The following ERC2 variants were observed in gnomAD, a reference collection of about 807,000 sequenced individuals.
ERC2 encodes ELKS/RAB6-interacting/CAST family member 2.
ERC2 carries 42 observed loss-of-function variants against 114.8 expected under a neutral mutation model. That is an observed-to-expected ratio of 0.37 (90% CI 0.29 to 0.47). ERC2 has a LOEUF of 0.47. ERC2 is among the 20% of genes least tolerant of loss of function. The pLI, the probability that ERC2 is intolerant of heterozygous loss-of-function variation, is 0.99. For synonymous variants in ERC2, 454 were observed against 425.5 expected (o/e 1.07, Z -0.82); for missense variants, 939 against 1,150.7 (o/e 0.82, Z 2.66).
intron 17 of ERC2, among the ~76,000 whole-genome samples, chr3:55,639,426 C>T (rs1228147260): frequency 6.6e-6 from 1 of 152,074 alleles, no homozygotes; most frequent in Non-Finnish European, 1.5e-5. Flanking sequence ...GGGACCAGGA[C>T]ATGAGCCACA....
At position 55,569,432 on chromosome 3, in the gene ERC2, G is replaced by A. The variant is rs554887985; in HGVS notation, c.*40-58156C>T. ...CCGAAGGGGCAGGGAAGAGGCATGC[G>A]CTGCTCTGCCAATGGGGAGGAAAAA... On this transcript the variant is annotated intron_variant, in intron 17 of 17. Coordinates refer to ENST00000288221, the MANE Select transcript of ERC2 (RefSeq NM_015576.3). Among the ~76,000 whole-genome samples the A allele has an allele frequency of 6.6e-5, 10 of 152,288 alleles. No homozygotes were observed. In the East Asian group the frequency reaches 1.2e-3, roughly 18 times the overall value.
chr3:55,897,602 C>T (rs572664138), intron 13 of ERC2, among the ~76,000 whole-genome samples: 2 of 152,272 alleles, frequency 1.3e-5, no homozygotes, highest in African/African-American at 4.8e-5. Flanking sequence ...TGGCCCAGCA[C>T]AACTCTGGAC....
At chr3:55,920,903 G>A (rs778478348) in intron 13 of ERC2, among the ~76,000 whole-genome samples, 233 of 152,158 alleles carry the variant, frequency 1.5e-3, no homozygotes, top group Non-Finnish European at 2.3e-3. Flanking sequence ...GAACAGAGGG[G>A]CAGAGTGAGT....
intron 10 of ERC2, among the ~76,000 whole-genome samples, chr3:55,994,700 C>T (rs1219068520): frequency 7.4e-6 from 1 of 134,412 alleles, no homozygotes; most frequent in East Asian, 2.2e-4. Flanking sequence ...ACAGAGACAG[C>T]GTAGTCTGCT....
At chr3:55,806,712 T>A (rs1201786502) in intron 14 of ERC2, among the ~76,000 whole-genome samples, 1 of 152,150 alleles carries the variant, frequency 6.6e-6, no homozygotes, top group Non-Finnish European at 1.5e-5. Context: ...CAGCCCAAAA[T>A]GCCAATAGTG....
At chr3:55,732,972 T>C (rs2065349886) in intron 15 of ERC2, among the ~76,000 whole-genome samples, 1 of 152,174 alleles carries the variant, frequency 6.6e-6, no homozygotes, top group African/African-American at 2.4e-5. Context: ...AAGTGTCTCC[T>C]TAGCAGCTGA....
chr3:56,209,618 G>A (rs534001294), intron 3 of ERC2, among the ~76,000 whole-genome samples: 1 of 152,182 alleles, frequency 6.6e-6, no homozygotes, highest in Non-Finnish European at 1.5e-5. Context: ...CGTTCAAAGG[G>A]ATTCAGAAGG....
At chr3:56,247,345 C>T (rs115781694) in intron 3 of ERC2, among the ~76,000 whole-genome samples, 193 of 152,286 alleles carry the variant, frequency 1.3e-3, no homozygotes, top group African/African-American at 4.6e-3. Context: ...AATATGCACA[C>T]CTAAGAAGCA....
intron 2 of ERC2, among the ~76,000 whole-genome samples, chr3:56,411,051 G>GA (rs61081379): frequency 0.027 from 2,228 of 81,966 alleles, 49 homozygotes; most frequent in African/African-American, 0.065. Context: ...AATTATCTCA[G>GA]AAAAAAAAAA....
chr3:55,733,506 TCTCA>T (rs1317345215), intron 15 of ERC2, among the ~76,000 whole-genome samples: 8 of 139,588 alleles, frequency 5.7e-5, no homozygotes, highest in Non-Finnish European at 1.1e-4. Context: ...TCTCTCTCTC[TCTCA>T]TTCTCTCTGT....
intron 1 of ERC2, among the ~76,000 whole-genome samples, chr3:56,435,567 G>A (rs2061982034): frequency 6.6e-6 from 1 of 152,208 alleles, no homozygotes; most frequent in Non-Finnish European, 1.5e-5. Context: ...TGACTTGAAA[G>A]TGACTCTGAG....
At chr3:56,097,917 T>C (rs2078150835) in intron 6 of ERC2, among the ~76,000 whole-genome samples, 1 of 152,200 alleles carries the variant, frequency 6.6e-6, no homozygotes, top group Non-Finnish European at 1.5e-5. Context: ...GAGAGTATTT[T>C]GCATCACATT....
intron 3 of ERC2, among the ~76,000 whole-genome samples, chr3:56,254,986 T>C (rs1161479058): frequency 6.6e-6 from 1 of 152,256 alleles, no homozygotes; most frequent in East Asian, 1.9e-4. Flanking sequence ...AAATATAATG[T>C]TTTATTTGGT....
At chr3:56,013,668 T>G (rs73831858) in intron 8 of ERC2, among the ~76,000 whole-genome samples, 1,701 of 152,324 alleles carry the variant, frequency 0.011, 5 homozygotes, top group Middle Eastern at 0.027. Context: ...TTTTTATTTC[T>G]GGGCAAATCA....
In ERC2 at chr3:55,971,276, C is replaced by T. The variant is rs1185510420; in HGVS notation, c.2267+14701G>A. Among the ~76,000 whole-genome samples, 3 of 151,954 alleles carry T rather than the reference C, an allele frequency of 2.0e-5. No homozygotes were observed. The East Asian group carries it at 5.8e-4, about 29-fold the overall frequency. On this transcript the variant is annotated intron_variant, in intron 12 of 17. Transcript: ENST00000288221. The stretch of plus-strand genomic sequence containing the variant: ...TAGAATTAGAGGGTGGTGATGGTTG[C>T]ACAACCTTGTGAATATACCAACAAT...
At chr3:55,775,607 G>A (rs1252544895) in intron 14 of ERC2, among the ~76,000 whole-genome samples, 1 of 151,742 alleles carries the variant, frequency 6.6e-6, no homozygotes, top group African/African-American at 2.4e-5. Context: ...GAGACAGACA[G>A]AGAGAGTAAG....
chr3:55,628,458 A>G (rs1484119595), intron 17 of ERC2, among the ~76,000 whole-genome samples: 1 of 152,218 alleles, frequency 6.6e-6, no homozygotes, highest in East Asian at 1.9e-4. Flanking sequence ...TTCAGCTTTT[A>G]TTTTGAAAAC....
At chr3:55,834,562 C>G (rs529700744) in intron 14 of ERC2, among the ~76,000 whole-genome samples, 2 of 151,260 alleles carry the variant, frequency 1.3e-5, no homozygotes, top group African/African-American at 4.9e-5. Flanking sequence ...TTGAAACCAA[C>G]GAGAACAAAG....
chr3:56,241,400 G>C (rs1044427609), intron 3 of ERC2, among the ~76,000 whole-genome samples: 6 of 152,130 alleles, frequency 3.9e-5, no homozygotes, highest in Non-Finnish European at 8.8e-5. Flanking sequence ...AACAACAGAT[G>C]TCAGTGAGGC....
Sources: gnomAD v4.1 joint callset for allele counts (sites outside exome capture counted in the v4.1 genomes callset) on GRCh38, gnomAD v4.1.1 for gene constraint, MANE v1.5 for transcripts, NCBI Gene and HGNC (gene_info 2026-07-23, HGNC 2026-07-21) for gene names.